The following LRP1B variants were observed in gnomAD, a reference collection of about 807,000 sequenced individuals.
The protein encoded by LRP1B is low-density lipoprotein receptor-related protein 1B.
In LRP1B, 217 loss-of-function variants were observed where a neutral mutation model predicts 556.6. The observed-to-expected ratio is 0.39, with a 90% CI of 0.35 to 0.44. The LOEUF (loss-of-function observed/expected upper bound fraction) is 0.44. LRP1B is among the 20% of genes least tolerant of loss of function. The pLI is 1.00. For missense variants in LRP1B, 5,053 were observed against 5,620.8 expected, an observed-to-expected ratio of 0.90 and a Z score of 3.23; for synonymous variants, 2,047 against 1,865.8, an observed-to-expected ratio of 1.10 and a Z score of -2.50.
At chr2:141,312,238 C>A (rs1686840245) in intron 3 of LRP1B, among the ~76,000 whole-genome samples, 1 of 152,080 alleles carries the variant, frequency 6.6e-6, no homozygotes. Context: ...AAGGCCGACC[C>A]CTCATTTTCC....
chr2:142,043,366 G>C lies in LRP1B; in HGVS notation c.82+87282C>G, dbSNP rs1704128992. On this transcript the variant is annotated intron_variant, in intron 1 of 90. Transcript: ENST00000389484. ...CCTTATGGTATGATAGCAATGACTA[G>C]ATTGTCACTGGTTACCTTTTATAAC... 2.0e-5 allele frequency among the ~76,000 whole-genome samples: 3 copies of C among 151,524 alleles called. No homozygotes were observed. The South Asian group carries it at 6.2e-4, about 31-fold the overall frequency.
chr2:141,548,780 C>T (rs1685642465), intron 2 of LRP1B, among the ~76,000 whole-genome samples: 1 of 152,088 alleles, frequency 6.6e-6, no homozygotes, highest in South Asian at 2.1e-4. Context: ...TATGGTATGG[C>T]TGAATAATAA....
At chr2:140,896,237 G>T (rs977543045) in intron 23 of LRP1B, among the ~76,000 whole-genome samples, 2 of 151,840 alleles carry the variant, frequency 1.3e-5, no homozygotes, top group Non-Finnish European at 2.9e-5. Context: ...ACTGAATATT[G>T]AGATATGAGA....
chr2:140,594,259 C>T (rs754708030), intron 43 of LRP1B, among the ~76,000 whole-genome samples: 21 of 152,138 alleles, frequency 1.4e-4, no homozygotes, highest in Non-Finnish European at 2.2e-4. Context: ...CATGAGCCAC[C>T]GCGCCTGGCC....
chr2:140,415,482 G>A (rs1685153647), intron 66 of LRP1B, among the ~76,000 whole-genome samples: 1 of 152,086 alleles, frequency 6.6e-6, no homozygotes, highest in Admixed American at 6.6e-5. Context: ...CTACCAATAT[G>A]GGATGTCACC....
intron 62 of LRP1B, 33 bp from the exon 63 acceptor site, chr2:140,450,694 A>G (rs1272927736): frequency 1.4e-6 from 2 of 1,476,444 alleles, no homozygotes; most frequent in South Asian, 2.3e-5. Flanking sequence ...AAAAATGTTG[A>G]AGAACCCAGT....
At chr2:141,197,780 T>A (rs909089110) in intron 6 of LRP1B, among the ~76,000 whole-genome samples, 1 of 152,058 alleles carries the variant, frequency 6.6e-6, no homozygotes, top group Non-Finnish European at 1.5e-5. Flanking sequence ...CTCACCACCT[T>A]TCTTTAGTCA....
At chr2:141,569,033 T>C (rs918412795) in intron 2 of LRP1B, among the ~76,000 whole-genome samples, 1 of 150,842 alleles carries the variant, frequency 6.6e-6, no homozygotes, top group Non-Finnish European at 1.5e-5. Context: ...CTCCCAGAAT[T>C]CTGGGATTAT....
intron 32 of LRP1B, among the ~76,000 whole-genome samples, chr2:140,796,457 A>G (rs1473643385): frequency 6.6e-6 from 1 of 152,084 alleles, no homozygotes; most frequent in Non-Finnish European, 1.5e-5. Context: ...TCCTTTGGAG[A>G]TTTCACATAG....
At chr2:142,087,393 A>T (rs1241318570) in intron 1 of LRP1B, among the ~76,000 whole-genome samples, 2 of 151,956 alleles carry the variant, frequency 1.3e-5, no homozygotes, top group Non-Finnish European at 2.9e-5. Flanking sequence ...TTCAAAGGGG[A>T]TGTAAATAGA....
chr2:140,705,521 C>CAA (rs565447198), intron 37 of LRP1B, among the ~76,000 whole-genome samples: 17 of 68,204 alleles, frequency 2.5e-4, no homozygotes, highest in Admixed American at 5.9e-4. Context: ...GAGACTGTCT[C>CAA]AAAAAAAAAA....
chr2:140,593,049 A>G (rs1010326894), intron 43 of LRP1B, among the ~76,000 whole-genome samples: 1 of 152,156 alleles, frequency 6.6e-6, no homozygotes, highest in African/African-American at 2.4e-5. Flanking sequence ...CTTAGAATTA[A>G]AACTAGTTTA....
chr2:140,848,285 T>TA (rs1230081525), intron 29 of LRP1B, among the ~76,000 whole-genome samples: 6 of 152,178 alleles, frequency 3.9e-5, no homozygotes, highest in Admixed American at 3.3e-4. Context: ...CCTGCCCTTG[T>TA]AAAAAAATTC....
chr2:141,929,912 C>CAAAAAAAAA (rs70994467), intron 1 of LRP1B, among the ~76,000 whole-genome samples: 4 of 104,134 alleles, frequency 3.8e-5, no homozygotes, highest in Non-Finnish European at 5.4e-5. Flanking sequence ...CGGATGGAAA[C>CAAAAAAAAA]AAAAAAAAAA....
At chr2:141,138,812 T>C (rs925570333) in intron 7 of LRP1B, among the ~76,000 whole-genome samples, 3 of 151,906 alleles carry the variant, frequency 2.0e-5, no homozygotes, top group Non-Finnish European at 2.9e-5. Flanking sequence ...ATCAGTTCAA[T>C]GAAATATCCT....
chr2:140,691,126 A>T (rs911131160), intron 41 of LRP1B, among the ~76,000 whole-genome samples: 1 of 152,214 alleles, frequency 6.6e-6, no homozygotes, highest in Non-Finnish European at 1.5e-5. Context: ...CAATAAGCAC[A>T]TAGCCCTTTT....
At chr2:141,122,500 T>A (rs1287400702) in intron 7 of LRP1B, among the ~76,000 whole-genome samples, 2 of 150,126 alleles carry the variant, frequency 1.3e-5, no homozygotes, top group Admixed American at 1.3e-4. Flanking sequence ...CATGAAAAAA[T>A]GCTCATCATC....
chr2:140,293,402 ATTTT>A (rs2104991351), intron 84 of LRP1B, among the ~76,000 whole-genome samples: 1 of 152,264 alleles, frequency 6.6e-6, no homozygotes, highest in East Asian at 1.9e-4. Flanking sequence ...AGAATACTTG[ATTTT>A]ACTTTTACCA....
Position 141,690,347 on chromosome 2 carries a change from AT to A in LRP1B, c.205+119931del, listed in dbSNP as rs527748949. ...GTCCCATATGTTCAAGTTAATTGTA[AT>A]TTTACAAGGAAAAATACACCAAATC... On this transcript the variant is annotated intron_variant, in intron 2 of 90. Coordinates refer to ENST00000389484, the MANE Select transcript of LRP1B (RefSeq NM_018557.3). Among the ~76,000 whole-genome samples the A allele has an allele frequency of 2.9e-3, 410 of 143,658 alleles. 6 individuals are homozygous for A. Among genetic ancestry groups the A allele is most frequent in the African/African-American group, 9.8e-3 (384 of 39,198 alleles). 94.2% of individuals were successfully genotyped at this position (143,658 alleles called of 152,430 possible).
Sources: allele counts gnomAD v4.1 joint callset (sites outside exome capture counted in the v4.1 genomes callset), GRCh38; gene constraint gnomAD v4.1.1; transcripts MANE v1.5; gene names NCBI Gene and HGNC (gene_info 2026-07-23, HGNC 2026-07-21).